Variants in TENM2 observed in about 807,000 individuals in gnomAD.
The protein encoded by TENM2 is teneurin transmembrane protein 2, also known as teneurin-2.
A neutral mutation model predicts 245.2 loss-of-function variants in TENM2; 52 were observed. The ratio of observed to expected loss-of-function variants is 0.21; its 90% CI spans 0.17 to 0.27. TENM2 has a LOEUF of 0.27. Among genes scored for constraint, TENM2 ranks in the 10% least tolerant of loss-of-function variants. The probability of loss-of-function intolerance (pLI) is 1.00; values close to 1 mark genes in which losing one functional copy is unlikely to be tolerated. For synonymous variants in TENM2, 1,363 were observed against 1,438.9 expected, an observed-to-expected ratio of 0.95 and a Z score of 1.19; for missense variants, 3,046 against 3,666.8, an observed-to-expected ratio of 0.83 and a Z score of 4.37.
chr5:166,981,475 A>G, the TENM2 span, among the ~76,000 whole-genome samples: 4 of 152,186 alleles, frequency 2.6e-5, no homozygotes, highest in Non-Finnish European at 2.9e-5. Context: ...CAAGGTACCT[A>G]AAGCGTCAGG....
At chr5:167,440,239 T>G (rs974090551) in intron 2 of TENM2, among the ~76,000 whole-genome samples, 2 of 152,220 alleles carry the variant, frequency 1.3e-5, no homozygotes, top group African/African-American at 4.8e-5. Context: ...AAATAAATGT[T>G]TTTTTGTTAT....
intron 2 of TENM2, among the ~76,000 whole-genome samples, chr5:167,674,662 A>G (rs1299220877): frequency 1.3e-5 from 2 of 152,130 alleles, no homozygotes; most frequent in Non-Finnish European, 2.9e-5. Flanking sequence ...GGGGGCATTA[A>G]TAGCACCCCC....
chr5:168,021,890 G>T (rs929273275), intron 5 of TENM2, among the ~76,000 whole-genome samples: 10 of 149,874 alleles, frequency 6.7e-5, no homozygotes, highest in African/African-American at 2.0e-4. Context: ...AAGGGAAGGG[G>T]TGAGATCTAC....
chr5:167,364,936 A>T (rs1759951694), intron 1 of TENM2, among the ~76,000 whole-genome samples: 1 of 152,010 alleles, frequency 6.6e-6, no homozygotes, highest in Non-Finnish European at 1.5e-5. Context: ...AGAGAATTTG[A>T]AAAACGTTGT....
At chr5:167,024,666 G>T in the TENM2 span, among the ~76,000 whole-genome samples, 8 of 152,124 alleles carry the variant, frequency 5.3e-5, no homozygotes, top group Admixed American at 5.2e-4. Context: ...CCTAAAGGTG[G>T]GACTAGCTTG....
chr5:167,220,595 C>T, the TENM2 span, among the ~76,000 whole-genome samples: 1 of 152,124 alleles, frequency 6.6e-6, no homozygotes, highest in South Asian at 2.1e-4. Flanking sequence ...AGAGTTTCTG[C>T]ATCACGTATA....
chr5:166,997,814 G>T, the TENM2 span, among the ~76,000 whole-genome samples: 13 of 152,120 alleles, frequency 8.5e-5, no homozygotes. Flanking sequence ...TATGCTAAGT[G>T]CCGGGGATAC....
intron 2 of TENM2, among the ~76,000 whole-genome samples, chr5:167,770,286 C>T (rs1191831777): frequency 1.3e-5 from 2 of 152,034 alleles, no homozygotes; most frequent in African/African-American, 4.8e-5. Context: ...GTATTCCAGA[C>T]AAGGAAAGCA....
chr5:167,875,545 T>C (rs556997867), intron 2 of TENM2, among the ~76,000 whole-genome samples: 22 of 152,108 alleles, frequency 1.4e-4, no homozygotes, highest in Non-Finnish European at 2.6e-4. Context: ...AATGATACAA[T>C]CTGATTCCTC....
chr5:167,205,074 A>T, the TENM2 span, among the ~76,000 whole-genome samples: 1 of 152,034 alleles, frequency 6.6e-6, no homozygotes, highest in East Asian at 1.9e-4. Flanking sequence ...GTATGTGGGG[A>T]CTCTTTCCAT....
At chr5:167,204,169 A>T in the TENM2 span, among the ~76,000 whole-genome samples, 1 of 151,990 alleles carries the variant, frequency 6.6e-6, no homozygotes, top group Non-Finnish European at 1.5e-5. Context: ...GGAAAAAAAA[A>T]AAGGTGATTG....
intron 7 of TENM2, among the ~76,000 whole-genome samples, chr5:168,083,475 A>T (rs1418101695): frequency 6.6e-6 from 1 of 152,138 alleles, no homozygotes; most frequent in East Asian, 1.9e-4. Flanking sequence ...CCCCAGTGAG[A>T]TGAACCCGGT....
intron 2 of TENM2, among the ~76,000 whole-genome samples, chr5:167,597,557 C>T (rs781213464): frequency 6.6e-6 from 1 of 152,166 alleles, no homozygotes; most frequent in Non-Finnish European, 1.5e-5. Flanking sequence ...TCACTTTAAA[C>T]AGAACAGATA....
the TENM2 span, among the ~76,000 whole-genome samples, chr5:167,094,241 A>G: frequency 6.6e-6 from 1 of 152,174 alleles, no homozygotes; most frequent in Non-Finnish European, 1.5e-5. Context: ...CAATTTGGTA[A>G]GTTTTGCACG....
the TENM2 span, among the ~76,000 whole-genome samples, chr5:167,111,077 C>G: frequency 6.6e-6 from 1 of 152,110 alleles, no homozygotes; most frequent in African/African-American, 2.4e-5. Context: ...TAACAAAAAG[C>G]ACTGAATTTA....
the TENM2 span, among the ~76,000 whole-genome samples, chr5:167,138,117 A>G: frequency 6.6e-6 from 1 of 152,230 alleles, no homozygotes; most frequent in South Asian, 2.1e-4. Flanking sequence ...GCTGTTCACT[A>G]CTGTCTGTTC....
rs988211744 is a variant in TENM2, at chr5:167,701,298, C to T, written c.503-174688C>T. Among the ~76,000 whole-genome samples, 58 of 152,024 alleles carry T rather than the reference C, an allele frequency of 3.8e-4. 1 individual carries two copies. Among genetic ancestry groups the T allele is most frequent in the African/African-American group, 1.3e-3 (56 of 41,484 alleles). On this transcript the variant is annotated intron_variant, in intron 2 of 28. Transcript: ENST00000518659. ...TAAATGAGGCACCTTTTGGACTTGG[C>T]TAAATATGTATGAACATGAAGTTAT...
At chr5:167,051,775 T>C in the TENM2 span, among the ~76,000 whole-genome samples, 1 of 152,140 alleles carries the variant, frequency 6.6e-6, no homozygotes, top group African/African-American at 2.4e-5. Context: ...AGTAGGATAT[T>C]CTCAAAACAA....
intron 2 of TENM2, among the ~76,000 whole-genome samples, chr5:167,383,175 T>C (rs1005386545): frequency 3.3e-5 from 5 of 151,938 alleles, no homozygotes; most frequent in Non-Finnish European, 5.9e-5. Flanking sequence ...TTGAGAGGGA[T>C]AGAAATCAAT....
Sources: allele counts gnomAD v4.1 joint callset (sites outside exome capture counted in the v4.1 genomes callset), GRCh38; gene constraint gnomAD v4.1.1; transcripts MANE v1.5; gene names NCBI Gene and HGNC (gene_info 2026-07-23, HGNC 2026-07-21).